The following EXPH5 variants were observed in gnomAD, a reference collection of about 807,000 sequenced individuals.
EXPH5 encodes the protein exophilin 5.
A neutral mutation model predicts 41.1 loss-of-function variants in EXPH5; 42 were observed. The ratio of observed to expected loss-of-function variants is 1.02; its 90% CI spans 0.80 to 1.32. The LOEUF is 1.32. EXPH5 is among the 40% of genes most tolerant of loss of function. The pLI is 0.00. For synonymous variants in EXPH5, 798 were observed against 833.5 expected (o/e 0.96, Z 0.73); for missense variants, 2,298 against 2,314.5 (o/e 0.99, Z 0.15).
rs1322007145 is a variant in EXPH5 at position 108,582,003 on chromosome 11, C to T, written c.119+11415G>A. ...AAGAAATTGAGCTCATAGTTTAAAA[C>T]CTTTCAAAAAAGAAACTTCCCATTC... On this transcript the variant is annotated intron_variant, in intron 1 of 5. Transcript: ENST00000265843. 2.6e-5 allele frequency among the ~76,000 whole-genome samples: 4 copies of T among 152,110 alleles called. No homozygotes were observed. The East Asian group carries it at 7.7e-4, about 29-fold the overall frequency.
the EXPH5 span, among the ~76,000 whole-genome samples, chr11:108,604,136 G>A: frequency 6.6e-6 from 1 of 150,574 alleles, no homozygotes; most frequent in African/African-American, 2.4e-5. Flanking sequence ...AGAGGCTCAT[G>A]CCTATAATCT....
chr11:108,514,630 T>G lies in EXPH5; in HGVS notation c.877A>C (p.Thr293Pro). The G allele has an allele frequency of 1.2e-6, 2 of 1,609,492 alleles. No individual in the cohort carries two copies. Among genetic ancestry groups the G allele is most frequent in the African/African-American group, 1.3e-5 (1 of 74,732 alleles). ...GFKTFSPRTS[T>P]IYDMYRTREP... ...CTTGTCCTATACATATCATAAATTG[T>G]GCTTGTCCTAGGAGAAAAGGTTTTA... is the stretch of plus-strand genomic sequence containing the variant. Residue 293 changes from threonine to proline, a missense_variant, in exon 6 of 6, where the codon ACA becomes CCA. By Grantham distance (38) the Thr-to-Pro change is conservative. Coordinates refer to ENST00000265843, the MANE Select transcript of EXPH5 (RefSeq NM_015065.3).
intron 1 of EXPH5, among the ~76,000 whole-genome samples, chr11:108,575,766 G>A (rs866224108): frequency 6.6e-6 from 1 of 152,288 alleles, no homozygotes; most frequent in African/African-American, 2.4e-5. Context: ...TTGAGGTCAG[G>A]AGTTCAAGAA....
In EXPH5 at chr11:108,539,009, C is replaced by A; in HGVS notation, c.443+15G>T. 6.4e-7 allele frequency: 1 copy of A among 1,557,238 alleles called. No homozygotes were observed. The highest frequency in any genetic ancestry group is 1.2e-5 in the South Asian group (1 of 81,656). On this transcript the variant is annotated intron_variant, in intron 3 of 5. Coordinates refer to ENST00000265843, the MANE Select transcript of EXPH5 (RefSeq NM_015065.3). ...GATAACAAATGGGCCGTAACATGAC[C>A]TGAGTTTAACTCACCCTTTCTGTCC...
At chr11:108,542,497 C>T (rs544042760) in intron 1 of EXPH5, among the ~76,000 whole-genome samples, 13 of 152,184 alleles carry the variant, frequency 8.5e-5, no homozygotes, top group Admixed American at 7.8e-4. Flanking sequence ...TCTAATGACA[C>T]GCAGAAACTA....
At chr11:108,607,435 C>T in the EXPH5 span, among the ~76,000 whole-genome samples, 2 of 152,118 alleles carry the variant, frequency 1.3e-5, no homozygotes, top group Non-Finnish European at 2.9e-5. Context: ...CAATACATAA[C>T]TATCAGAGCA....
At chr11:108,546,634 AT>A (rs1802755148) in intron 1 of EXPH5, among the ~76,000 whole-genome samples, 1 of 152,220 alleles carries the variant, frequency 6.6e-6, no homozygotes, top group Non-Finnish European at 1.5e-5. Flanking sequence ...CAAAACTTTA[AT>A]AACACCTTTA....
chr11:108,522,657 C>A (rs2093772562), intron 4 of EXPH5, among the ~76,000 whole-genome samples: 1 of 152,118 alleles, frequency 6.6e-6, no homozygotes, highest in African/African-American at 2.4e-5. Flanking sequence ...TTCTGGGAAG[C>A]ACCTGAAGTT....
At chr11:108,596,646 G>A (rs1461649130), upstream of EXPH5, among the ~76,000 whole-genome samples, 1 of 152,140 alleles carries the variant, frequency 6.6e-6, no homozygotes, top group Non-Finnish European at 1.5e-5. Context: ...CTTAAAAATG[G>A]TTGCCAAAAC....
chr11:108,556,615 G>A (rs1302644301), intron 1 of EXPH5, among the ~76,000 whole-genome samples: 1 of 152,066 alleles, frequency 6.6e-6, no homozygotes, highest in Non-Finnish European at 1.5e-5. Context: ...TGGGATTACA[G>A]TAGGCATGCA....
At chr11:108,581,792 T>A (rs897870066) in intron 1 of EXPH5, among the ~76,000 whole-genome samples, 1 of 152,038 alleles carries the variant, frequency 6.6e-6, no homozygotes, top group Admixed American at 6.6e-5. Flanking sequence ...ATACAAATTA[T>A]CAATACCAGG....
chr11:108,533,413 C>T (rs1389558969), intron 3 of EXPH5, among the ~76,000 whole-genome samples: 1 of 152,194 alleles, frequency 6.6e-6, no homozygotes, highest in Non-Finnish European at 1.5e-5. Flanking sequence ...CCATGTTGGC[C>T]AGACTAGTCT....
At chr11:108,557,005 C>T (rs2093992920) in intron 1 of EXPH5, among the ~76,000 whole-genome samples, 1 of 152,200 alleles carries the variant, frequency 6.6e-6, no homozygotes, top group African/African-American at 2.4e-5. Context: ...GCCAAGCTGG[C>T]TCCCACTGGG....
At chr11:108,596,608 A>T (rs968648864), upstream of EXPH5, among the ~76,000 whole-genome samples, 6 of 152,146 alleles carry the variant, frequency 3.9e-5, no homozygotes, top group Admixed American at 3.9e-4. Flanking sequence ...TGAAACAGGG[A>T]TGGAGAAGTA....
intron 1 of EXPH5, among the ~76,000 whole-genome samples, chr11:108,550,704 G>A (rs1349052642): frequency 6.6e-6 from 1 of 152,062 alleles, no homozygotes; most frequent in African/African-American, 2.4e-5. Context: ...GCTTGAACCT[G>A]GGAGGCAGAG....
rs1301964134 is a variant in EXPH5 at position 108,509,596 on chromosome 11, C to T, written c.5911G>A (p.Asp1971Asn). The T allele has an allele frequency of 6.2e-7, 1 of 1,601,760 alleles. No individual in the cohort carries two copies. The highest frequency in any genetic ancestry group is 1.3e-5 in the African/African-American group (1 of 74,314). ...DDPVDSDCDT[D>N]TTTDDEYYLD... Reference sequence around the variant, plus strand: ...TAGTATTCATCATCTGTGGTTGTGTCTGTGTCACAATCTGAGTCCACTGGG... The same window carrying T: ...TAGTATTCATCATCTGTGGTTGTGTTTGTGTCACAATCTGAGTCCACTGGG... The change falls in exon 6 of 6, where the codon GAC becomes AAC. Residue 1971 changes from aspartate (D) to asparagine (N), a missense_variant. Physicochemically the swap from Asp to Asn is conservative, Grantham distance 23. Coordinates refer to ENST00000265843, the MANE Select transcript of EXPH5 (RefSeq NM_015065.3).
At chr11:108,590,389 G>A (rs767254801) in intron 1 of EXPH5, among the ~76,000 whole-genome samples, 4 of 151,854 alleles carry the variant, frequency 2.6e-5, no homozygotes, top group African/African-American at 4.8e-5. Context: ...TTTGAATCTT[G>A]GTGTTTTTCT....
intron 1 of EXPH5, among the ~76,000 whole-genome samples, chr11:108,545,901 T>TAA (rs1004788222): frequency 7.2e-6 from 1 of 139,410 alleles, no homozygotes; most frequent in Non-Finnish European, 1.6e-5. Context: ...AGATTTTGTC[T>TAA]AAAAAAAAAA....
intron 1 of EXPH5, among the ~76,000 whole-genome samples, chr11:108,574,188 C>T (rs1219894853): frequency 1.3e-5 from 2 of 151,820 alleles, no homozygotes; most frequent in South Asian, 2.1e-4. Flanking sequence ...AGATTACAGG[C>T]GTGAGCCACC....
Sources: gnomAD v4.1 joint callset for allele counts (sites outside exome capture counted in the v4.1 genomes callset) on GRCh38, gnomAD v4.1.1 for gene constraint, MANE v1.5 for transcripts, NCBI Gene and HGNC (gene_info 2026-07-23, HGNC 2026-07-21) for gene names.